The following ZNF529 variants were observed in gnomAD, a reference collection of about 807,000 sequenced individuals.
ZNF529 encodes the protein zinc finger protein 529.
ZNF529 carries 11 observed loss-of-function variants against 10.1 expected under a neutral mutation model. The ratio of observed to expected loss-of-function variants is 1.09; its 90% CI spans 0.69 to 1.81. The LOEUF (loss-of-function observed/expected upper bound fraction) is 1.81, where lower values mean the gene tolerates loss of function less well. Among genes scored for constraint, ZNF529 ranks in the 40% most tolerant of loss-of-function variants. The probability of loss-of-function intolerance (pLI) is 0.00; values close to 1 mark genes in which losing one functional copy is unlikely to be tolerated. For synonymous variants in ZNF529, 204 were observed against 215.7 expected (o/e 0.95, Z 0.47); for missense variants, 624 against 666.8 (o/e 0.94, Z 0.71).
chr19:36,583,388 A>T (rs1182027274), intron 2 of ZNF529, among the ~76,000 whole-genome samples: 3 of 152,178 alleles, frequency 2.0e-5, no homozygotes, highest in Admixed American at 6.6e-5. Flanking sequence ...ATAAAAATCC[A>T]TACATACAGA....
chr19:36,549,949 G>C (rs1055142120), intron 4 of ZNF529, among the ~76,000 whole-genome samples: 1 of 152,160 alleles, frequency 6.6e-6, no homozygotes. Flanking sequence ...GTGTGAAAAG[G>C]AGAATATGCT....
chr19:36,560,585 A>AT (rs200109728), intron 2 of ZNF529, among the ~76,000 whole-genome samples: 15 of 151,710 alleles, frequency 9.9e-5, no homozygotes, highest in South Asian at 2.1e-4. Context: ...CTTTCTTCTC[A>AT]TTTTTTTTTA....
upstream of ZNF529, chr19:36,577,407 C>T: frequency 3.6e-6 from 1 of 279,490 alleles, no homozygotes; most frequent in Non-Finnish European, 7.1e-6. Flanking sequence ...CCCAGGGGGC[C>T]TTGTCCCATT....
At chr19:36,586,716 T>G (rs559473725) in intron 2 of ZNF529, among the ~76,000 whole-genome samples, 19 of 152,356 alleles carry the variant, frequency 1.2e-4, no homozygotes, top group East Asian at 7.7e-4. Flanking sequence ...AGTAGAGAGA[T>G]AACTCTGATC....
At chr19:36,565,592 T>G (rs2035865772) in intron 2 of ZNF529, among the ~76,000 whole-genome samples, 1 of 151,998 alleles carries the variant, frequency 6.6e-6, no homozygotes, top group Non-Finnish European at 1.5e-5. Context: ...TCCCAGCTAC[T>G]TGGGAGGCTG....
intron 1 of ZNF529, among the ~76,000 whole-genome samples, chr19:36,602,702 G>A (rs912125785): frequency 1.3e-5 from 2 of 152,168 alleles, no homozygotes; most frequent in African/African-American, 4.8e-5. Flanking sequence ...ACTGAGGCAG[G>A]TGGATCACCT....
chr19:36,559,929 GT>G (rs1485965417), intron 2 of ZNF529, among the ~76,000 whole-genome samples: 1 of 152,042 alleles, frequency 6.6e-6, no homozygotes, highest in African/African-American at 2.4e-5. Flanking sequence ...CTGAAAACAG[GT>G]GATCCCAGGC....
At chr19:36,562,692 C>A (rs141992857) in intron 2 of ZNF529, among the ~76,000 whole-genome samples, 1 of 152,076 alleles carries the variant, frequency 6.6e-6, no homozygotes, top group East Asian at 1.9e-4. Flanking sequence ...AAAAAAATAG[C>A]CGGGCGTGGT....
At chr19:36,593,038 A>G (rs372747531) in intron 1 of ZNF529, among the ~76,000 whole-genome samples, 7 of 152,316 alleles carry the variant, frequency 4.6e-5, no homozygotes, top group South Asian at 4.1e-4. Flanking sequence ...AAAGGCAACA[A>G]TGCCTATCTA....
At chr19:36,561,160 T>G (rs992133050) in intron 2 of ZNF529, among the ~76,000 whole-genome samples, 2 of 152,064 alleles carry the variant, frequency 1.3e-5, no homozygotes, top group Admixed American at 6.6e-5. Flanking sequence ...AGAACACTCA[T>G]GGAACTTTGG....
rs2036154354 is a variant in ZNF529 at position 36,572,393 on chromosome 19, C to T, written c.-46-1G>A. On this transcript the variant is annotated splice_acceptor_variant, in intron 1 of 4. Coordinates refer to ENST00000591340, the MANE Select transcript of ZNF529 (RefSeq NM_020951.5). LOFTEE classifies it low-confidence loss of function (5UTR_SPLICE). ...CTTCAGGGGGCCTTCACTTGCAGAA[C>T]TACATAACCAAGAGGGAGAAAGGAC... is the stretch of plus-strand genomic sequence containing the variant. 1 of 1,549,818 alleles carries T rather than the reference C, an allele frequency of 6.5e-7. No homozygotes were observed. The highest frequency in any genetic ancestry group is 1.4e-5 in the African/African-American group (1 of 72,776).
upstream of ZNF529, chr19:36,574,853 T>C (rs1255907825): frequency 2.1e-6 from 1 of 471,306 alleles, no homozygotes; most frequent in Admixed American, 2.3e-5. Context: ...CTGGCACGTT[T>C]CCATTTCTCC....
At chr19:36,577,975 T>G (rs2036365876), upstream of ZNF529, 1 of 150,386 alleles carries the variant, frequency 6.6e-6, no homozygotes, top group Admixed American at 6.6e-5. Flanking sequence ...TCCCTTATAT[T>G]TTTTTTATAA....
At chr19:36,558,047 A>G (rs1321165645) in intron 2 of ZNF529, among the ~76,000 whole-genome samples, 1 of 152,006 alleles carries the variant, frequency 6.6e-6, no homozygotes, top group Non-Finnish European at 1.5e-5. Context: ...CTGAAATGAA[A>G]TTTTCACTAG....
At chr19:36,574,819 A>T (rs917595880), upstream of ZNF529, 3 of 471,018 alleles carry the variant, frequency 6.4e-6, no homozygotes, top group Non-Finnish European at 1.3e-5. Flanking sequence ...GCATATTTAC[A>T]GGTTTTATAC....
chr19:36,576,958 C>CTT (rs759716467), upstream of ZNF529, among the ~76,000 whole-genome samples: 9 of 136,012 alleles, frequency 6.6e-5, no homozygotes, highest in South Asian at 1.4e-3. Flanking sequence ...TTTCTTTTTT[C>CTT]TTTTTTTTTT....
intron 1 of ZNF529, among the ~76,000 whole-genome samples, chr19:36,604,104 C>T (rs955841906): frequency 2.0e-5 from 3 of 152,100 alleles, no homozygotes; most frequent in Non-Finnish European, 2.9e-5. Flanking sequence ...TGCTTGAACC[C>T]GGAAGGCGGA....
intron 2 of ZNF529, among the ~76,000 whole-genome samples, chr19:36,569,982 T>C (rs778605553): frequency 3.6e-4 from 55 of 152,118 alleles, no homozygotes; most frequent in Non-Finnish European, 7.1e-4. Flanking sequence ...AATACCTGTA[T>C]CCATCTGACT....
At chr19:36,567,064 A>G (rs2035927359) in intron 2 of ZNF529, among the ~76,000 whole-genome samples, 1 of 152,124 alleles carries the variant, frequency 6.6e-6, no homozygotes, top group African/African-American at 2.4e-5. Context: ...AGCCAAAACA[A>G]AGCTGGAAGA....
Sources: allele counts gnomAD v4.1 joint callset (sites outside exome capture counted in the v4.1 genomes callset), GRCh38; gene constraint gnomAD v4.1.1; transcripts MANE v1.5; gene names NCBI Gene and HGNC (gene_info 2026-07-23, HGNC 2026-07-21).